The following RBMS3 variants were observed in gnomAD, a reference collection of about 807,000 sequenced individuals.
RBMS3 encodes RNA binding motif single stranded interacting protein 3, also known as RNA-binding motif, single-stranded-interacting protein 3.
RBMS3 carries 27 observed loss-of-function variants against 66.8 expected under a neutral mutation model. The observed-to-expected ratio is 0.40, with a 90% CI of 0.30 to 0.56. RBMS3 has a LOEUF of 0.56. Among genes scored for constraint, RBMS3 ranks in the 20% least tolerant of loss-of-function variants. The pLI is 0.40. For synonymous variants in RBMS3, 188 were observed against 183.0 expected (o/e 1.03, Z -0.22); for missense variants, 513 against 549.5 (o/e 0.93, Z 0.66).
intron 4 of RBMS3, among the ~76,000 whole-genome samples, chr3:29,712,195 C>G (rs1162609725): frequency 6.6e-6 from 1 of 152,138 alleles, no homozygotes; most frequent in Non-Finnish European, 1.5e-5. Flanking sequence ...TTTTAGATCT[C>G]ACCTTGACTG....
chr3:29,723,958 G>T (rs895821576), intron 4 of RBMS3, among the ~76,000 whole-genome samples: 1 of 151,550 alleles, frequency 6.6e-6, no homozygotes, highest in African/African-American at 2.4e-5. Flanking sequence ...CAGCTTCTTC[G>T]GTGTAATAGC....
At chr3:29,494,720 G>A (rs769584895) in intron 3 of RBMS3, among the ~76,000 whole-genome samples, 4 of 152,158 alleles carry the variant, frequency 2.6e-5, no homozygotes, top group Non-Finnish European at 4.4e-5. Flanking sequence ...GAAACAAGGT[G>A]TAAATCTTAA....
intron 6 of RBMS3, among the ~76,000 whole-genome samples, chr3:29,808,833 A>G (rs111576055): frequency 0.011 from 1,608 of 152,038 alleles, 27 homozygotes; most frequent in African/African-American, 0.036. Flanking sequence ...ATTGGATACC[A>G]TGGCTTGAAA....
At chr3:29,411,873 G>A (rs755309900) in intron 1 of RBMS3, among the ~76,000 whole-genome samples, 4 of 152,156 alleles carry the variant, frequency 2.6e-5, no homozygotes, top group Non-Finnish European at 5.9e-5. Context: ...CTGATGTGAA[G>A]CAGAAAGAAA....
chr3:29,431,194 A>G (rs1015317090), intron 1 of RBMS3, among the ~76,000 whole-genome samples: 7 of 152,210 alleles, frequency 4.6e-5, no homozygotes, highest in Non-Finnish European at 7.3e-5. Flanking sequence ...TTTATCCTGT[A>G]TAATTCATTT....
intron 3 of RBMS3, among the ~76,000 whole-genome samples, chr3:29,551,207 G>A (rs2046169326): frequency 6.6e-6 from 1 of 152,154 alleles, no homozygotes; most frequent in South Asian, 2.1e-4. Flanking sequence ...ACATTTTTCT[G>A]ATCACATTTT....
rs756220476 is a variant in RBMS3 at position 29,461,135 on chromosome 3, A to G, written c.248+26220A>G. On this transcript the variant is annotated intron_variant, in intron 2 of 14. Coordinates refer to ENST00000383767, the MANE Select transcript of RBMS3 (RefSeq NM_001003793.3). ...ATTTCCTTGTTAATGATTTACCATA[A>G]CATTTCATTTTCTCCTCTTCTTCCT... Among the ~76,000 whole-genome samples, 3 of 152,140 alleles carry G rather than the reference A, an allele frequency of 2.0e-5. No homozygotes were observed. In the East Asian group the frequency reaches 5.8e-4, roughly 29 times the overall value.
At chr3:29,934,544 T>A (rs1270085407) in intron 10 of RBMS3, among the ~76,000 whole-genome samples, 2 of 152,164 alleles carry the variant, frequency 1.3e-5, no homozygotes, top group African/African-American at 4.8e-5. Flanking sequence ...TGAATTATAA[T>A]TAAGTAAAAG....
chr3:29,353,257 T>G lies in RBMS3; in HGVS notation c.75+71501T>G, dbSNP rs140575142. 6.3e-3 allele frequency among the ~76,000 whole-genome samples: 951 copies of G among 152,108 alleles called. 2 individuals carry two copies. The highest frequency in any genetic ancestry group is 0.013 in the South Asian group (62 of 4,828). ...ATCAAATTATGGCACATTTTTATTA[T>G]GTTCTTCATTATAATGAGAACAATT... On this transcript the variant is annotated intron_variant, in intron 1 of 14. Coordinates refer to ENST00000383767, the MANE Select transcript of RBMS3 (RefSeq NM_001003793.3).
At chr3:29,420,694 CCCCACT>C (rs937602072) in intron 1 of RBMS3, among the ~76,000 whole-genome samples, 1 of 151,252 alleles carries the variant, frequency 6.6e-6, no homozygotes, top group Admixed American at 6.6e-5. Flanking sequence ...TGTTTTGATT[CCCCACT>C]TCTTGCAATC....
chr3:29,640,761 A>G (rs1356913930), intron 4 of RBMS3, among the ~76,000 whole-genome samples: 3 of 151,988 alleles, frequency 2.0e-5, no homozygotes, highest in African/African-American at 7.2e-5. Flanking sequence ...AGAATAATAC[A>G]TATGAAACAG....
chr3:29,624,010 T>C (rs1239889116), intron 4 of RBMS3, among the ~76,000 whole-genome samples: 1 of 152,214 alleles, frequency 6.6e-6, no homozygotes, highest in Non-Finnish European at 1.5e-5. Flanking sequence ...CTAAAATATA[T>C]GCCTATAATA....
In RBMS3 at chr3:29,361,351, T is replaced by C. The variant is rs2037575820; in HGVS notation, c.76-73392T>C. Among the ~76,000 whole-genome samples the C allele has an allele frequency of 2.0e-5, 3 of 152,262 alleles. No homozygotes were observed. In the South Asian group the frequency reaches 6.2e-4, roughly 32 times the overall value. Reference sequence around the variant, plus strand: ...TGAAATTCTGGGTTGAAAATTCTTTTATTTAAGAATGTTGAATATTGACCC... The same window carrying C: ...TGAAATTCTGGGTTGAAAATTCTTTCATTTAAGAATGTTGAATATTGACCC... On this transcript the variant is annotated intron_variant, in intron 1 of 14. Transcript: ENST00000383767.
Position 29,383,818 on chromosome 3 carries a change from G to A in RBMS3, c.76-50925G>A, listed in dbSNP as rs533248437. ...CCTGGATCGTAAGTTTTCAGTGACCGTAAGTTTTCAGTGTCTTTAGCTGTA... is the reference window on the plus strand; with the variant it reads ...CCTGGATCGTAAGTTTTCAGTGACCATAAGTTTTCAGTGTCTTTAGCTGTA... On this transcript the variant is annotated intron_variant, in intron 1 of 14. Coordinates refer to ENST00000383767, the MANE Select transcript of RBMS3 (RefSeq NM_001003793.3). 2.2e-4 allele frequency among the ~76,000 whole-genome samples: 34 copies of A among 152,242 alleles called. No homozygotes were observed. The East Asian group carries it at 4.6e-3, about 21-fold the overall frequency.
At chr3:29,683,680 C>G (rs1026271478) in intron 4 of RBMS3, among the ~76,000 whole-genome samples, 1 of 152,160 alleles carries the variant, frequency 6.6e-6, no homozygotes, top group Non-Finnish European at 1.5e-5. Context: ...GCTGATAAGG[C>G]GACAGAAAAT....
Position 29,485,895 on chromosome 3 carries a change from A to C in RBMS3, c.249-2546A>C, listed in dbSNP as rs191914403. ...GAAGAAAGAACTTTATGAAGACATA[A>C]GGTCTTGATCTAAACCCTAAGAAGG... On this transcript the variant is annotated intron_variant, in intron 2 of 14. Transcript: ENST00000383767. 3.3e-5 allele frequency among the ~76,000 whole-genome samples: 5 copies of C among 152,272 alleles called. No individual in the cohort carries two copies. In the East Asian group the frequency reaches 9.7e-4, roughly 29 times the overall value.
At chr3:29,504,231 A>T (rs992928165) in intron 3 of RBMS3, among the ~76,000 whole-genome samples, 1 of 152,044 alleles carries the variant, frequency 6.6e-6, no homozygotes, top group Admixed American at 6.6e-5. Flanking sequence ...AGGGGAAAAA[A>T]ATGACCTCTT....
chr3:29,990,460 C>CAAAAAAAAAAA (rs10596526), intron 13 of RBMS3, among the ~76,000 whole-genome samples: 1 of 106,516 alleles, frequency 9.4e-6, no homozygotes, highest in Non-Finnish European at 1.9e-5. Context: ...CTGTGAGAAA[C>CAAAAAAAAAAA]AAAAAAAAAA....
chr3:29,637,595 A>T (rs946651531), intron 4 of RBMS3, among the ~76,000 whole-genome samples: 1 of 151,870 alleles, frequency 6.6e-6, no homozygotes, highest in African/African-American at 2.4e-5. Flanking sequence ...ACTTTTAATA[A>T]GCATCTTAAG....
Sources: allele counts gnomAD v4.1 joint callset (sites outside exome capture counted in the v4.1 genomes callset), GRCh38; gene constraint gnomAD v4.1.1; transcripts MANE v1.5; gene names NCBI Gene and HGNC (gene_info 2026-07-23, HGNC 2026-07-21).